MAML3: variants seen among roughly 807,000 people sequenced by gnomAD.
MAML3 encodes mastermind-like protein 3.
Under a neutral mutation model 101.9 loss-of-function variants are expected in MAML3, and 27 were observed. That is an observed-to-expected ratio of 0.27 (90% CI 0.20 to 0.37). The LOEUF (loss-of-function observed/expected upper bound fraction) is 0.37. Ranked by LOEUF, MAML3 falls within the 10% of genes least tolerant of loss-of-function variation. The pLI is 1.00. For synonymous variants in MAML3, 501 were observed against 555.9 expected (o/e 0.90, Z 1.39); for missense variants, 1,316 against 1,444.9 (o/e 0.91, Z 1.45).
intron 1 of MAML3, among the ~76,000 whole-genome samples, chr4:139,925,333 G>A (rs1733200077): frequency 6.6e-6 from 1 of 152,086 alleles, no homozygotes; most frequent in South Asian, 2.1e-4. Context: ...GGATTCAACC[G>A]TTTCTCCTGC....
At chr4:139,750,686 C>T (rs906689830) in intron 2 of MAML3, among the ~76,000 whole-genome samples, 2 of 152,182 alleles carry the variant, frequency 1.3e-5, no homozygotes, top group African/African-American at 4.8e-5. Flanking sequence ...GTAGTTAGGT[C>T]CTCTTTAGGC....
intron 1 of MAML3, among the ~76,000 whole-genome samples, chr4:139,931,821 C>T (rs569344080): frequency 2.6e-5 from 4 of 151,322 alleles, no homozygotes; most frequent in Non-Finnish European, 4.4e-5. Flanking sequence ...ACCAGCCTGA[C>T]GAACATGGTG....
At chr4:140,118,430 TA>T (rs1728550510) in intron 1 of MAML3, among the ~76,000 whole-genome samples, 1 of 152,128 alleles carries the variant, frequency 6.6e-6, no homozygotes, top group African/African-American at 2.4e-5. Flanking sequence ...ATATAAGTAT[TA>T]GCTAATAATA....
chr4:140,054,685 A>T (rs971223045), intron 1 of MAML3, among the ~76,000 whole-genome samples: 14 of 152,222 alleles, frequency 9.2e-5, no homozygotes, highest in Non-Finnish European at 1.8e-4. Flanking sequence ...TCATCTGATC[A>T]TCACTTGTCA....
chr4:140,037,981 C>T (rs1727016917), intron 1 of MAML3, among the ~76,000 whole-genome samples: 1 of 152,176 alleles, frequency 6.6e-6, no homozygotes, highest in Non-Finnish European at 1.5e-5. Flanking sequence ...AGAGAAGTCT[C>T]GTTAGCCAAT....
intron 2 of MAML3, among the ~76,000 whole-genome samples, chr4:139,806,146 TTAA>T (rs1730695610): frequency 6.6e-6 from 1 of 152,142 alleles, no homozygotes; most frequent in Non-Finnish European, 1.5e-5. Flanking sequence ...AGGGAAGAGG[TTAA>T]TAGTTTTCAT....
At chr4:139,732,829 C>T (rs1461135442) in intron 2 of MAML3, among the ~76,000 whole-genome samples, 3 of 152,116 alleles carry the variant, frequency 2.0e-5, no homozygotes, top group Non-Finnish European at 4.4e-5. Flanking sequence ...CATAAGTGTA[C>T]TGCGTTCTAT....
intron 1 of MAML3, among the ~76,000 whole-genome samples, chr4:139,893,101 C>CTGA (rs1732537228): frequency 6.6e-6 from 1 of 152,106 alleles, no homozygotes; most frequent in Admixed American, 6.5e-5. Flanking sequence ...CTTAAAGGTG[C>CTGA]TGATACTCCG....
At position 139,970,564 on chromosome 4, in the gene MAML3, C is replaced by T. The variant is rs554247898; in HGVS notation, c.469-79597G>A. On this transcript the variant is annotated intron_variant, in intron 1 of 4. Coordinates refer to ENST00000509479, the MANE Select transcript of MAML3 (RefSeq NM_018717.5). ...AGTAAGCAGAAGGTGATTAGGAGGA[C>T]GCCCAAGCAGTTTAGGTAATAGATG... Among the ~76,000 whole-genome samples, 453 of 152,228 alleles carry T rather than the reference C, an allele frequency of 3.0e-3. 1 individual carries two copies. Among genetic ancestry groups the T allele is most frequent in the Middle Eastern group, 0.014 (4 of 294 alleles).
chr4:139,889,178 A>G (rs745378293), intron 2 of MAML3, 179 bp downstream of exon 2: 3 of 1,197,190 alleles, frequency 2.5e-6, no homozygotes, highest in Non-Finnish European at 3.7e-6. Context: ...ACCCTTTTCC[A>G]TTTCTTAGGA....
At chr4:139,820,939 G>C (rs1178721416) in intron 2 of MAML3, among the ~76,000 whole-genome samples, 1 of 152,104 alleles carries the variant, frequency 6.6e-6, no homozygotes, top group Non-Finnish European at 1.5e-5. Context: ...GACCACCTTT[G>C]AGGAGCTCTC....
chr4:139,784,125 A>G (rs1347656026), intron 2 of MAML3, among the ~76,000 whole-genome samples: 2 of 152,216 alleles, frequency 1.3e-5, no homozygotes, highest in Non-Finnish European at 2.9e-5. Flanking sequence ...CTTGGTTCTG[A>G]AATGCAAGGA....
intron 1 of MAML3, among the ~76,000 whole-genome samples, chr4:139,928,014 T>C (rs1429040922): frequency 7.9e-5 from 12 of 152,220 alleles, no homozygotes; most frequent in Non-Finnish European, 1.8e-4. Flanking sequence ...TATACGTGTG[T>C]ATGCTAACCC....
At chr4:139,826,361 A>G (rs991456530) in intron 2 of MAML3, among the ~76,000 whole-genome samples, 36 of 152,238 alleles carry the variant, frequency 2.4e-4, no homozygotes, top group African/African-American at 8.2e-4. Context: ...AGCTGTGTTC[A>G]TAAGAGTGCT....
At chr4:139,964,121 G>A (rs548579740) in intron 1 of MAML3, among the ~76,000 whole-genome samples, 48 of 152,214 alleles carry the variant, frequency 3.2e-4, no homozygotes, top group African/African-American at 1.1e-3. Context: ...AATATAAATC[G>A]TTCTACTATA....
chr4:139,929,985 T>G (rs1733349559), intron 1 of MAML3, among the ~76,000 whole-genome samples: 1 of 152,176 alleles, frequency 6.6e-6, no homozygotes, highest in Admixed American at 6.5e-5. Context: ...TACTCCTGCA[T>G]CCACCTGCTT....
intron 1 of MAML3, among the ~76,000 whole-genome samples, chr4:140,088,061 T>G (rs1727986270): frequency 1.3e-5 from 2 of 151,842 alleles, no homozygotes; most frequent in South Asian, 4.2e-4. Flanking sequence ...AGACCTCAAC[T>G]CCAAAAAAAA....
chr4:139,741,546 C>G (rs1231176425), intron 2 of MAML3, among the ~76,000 whole-genome samples: 1 of 151,886 alleles, frequency 6.6e-6, no homozygotes, highest in Non-Finnish European at 1.5e-5. Flanking sequence ...GAGTTCAGTT[C>G]AGGACCAGCC....
At chr4:140,080,426 G>A (rs1727843782) in intron 1 of MAML3, among the ~76,000 whole-genome samples, 1 of 152,232 alleles carries the variant, frequency 6.6e-6, no homozygotes, top group Non-Finnish European at 1.5e-5. Context: ...ACAGGGCACA[G>A]AAATTTAAAA....
Sources: allele counts gnomAD v4.1 joint callset (sites outside exome capture counted in the v4.1 genomes callset), GRCh38; gene constraint gnomAD v4.1.1; transcripts MANE v1.5; gene names NCBI Gene and HGNC (gene_info 2026-07-23, HGNC 2026-07-21).